Variants in WWC1 observed in about 807,000 individuals in gnomAD.
WWC1 encodes the protein WW and C2 domain containing 1, also known as protein KIBRA.
Under a neutral mutation model 138.4 loss-of-function variants are expected in WWC1, and 55 were observed. The observed-to-expected ratio is 0.40, with a 90% CI of 0.32 to 0.50. WWC1 has a LOEUF of 0.50. WWC1 is among the 20% of genes least tolerant of loss of function. The pLI is 0.72. For missense variants in WWC1, 1,226 were observed against 1,420.4 expected, an observed-to-expected ratio of 0.86 and a Z score of 2.20; for synonymous variants, 524 against 564.9, an observed-to-expected ratio of 0.93 and a Z score of 1.03.
chr5:168,360,986 G>A (rs983809592), intron 1 of WWC1, among the ~76,000 whole-genome samples: 1 of 152,216 alleles, frequency 6.6e-6, no homozygotes, highest in African/African-American at 2.4e-5. Flanking sequence ...AAGGAATAAG[G>A]CTGGGAGTTG....
intron 1 of WWC1, among the ~76,000 whole-genome samples, chr5:168,369,008 C>T (rs544529710): frequency 1.4e-4 from 22 of 152,254 alleles, no homozygotes; most frequent in African/African-American, 4.1e-4. Context: ...TGTGTTTTCC[C>T]GTGGGGCTTA....
chr5:168,331,646 C>A (rs1561619060), intron 1 of WWC1, among the ~76,000 whole-genome samples: 1 of 152,222 alleles, frequency 6.6e-6, no homozygotes, highest in Non-Finnish European at 1.5e-5. Flanking sequence ...TTGCACCATG[C>A]ACAAATAATG....
chr5:168,456,555 G>A (rs945627226), intron 19 of WWC1, among the ~76,000 whole-genome samples: 4 of 151,934 alleles, frequency 2.6e-5, no homozygotes, highest in East Asian at 3.9e-4. Context: ...CCTTGAACCC[G>A]GGGGGCAGAG....
In WWC1 at chr5:168,448,616, A is replaced by ATT. The variant is rs756135846; in HGVS notation, c.2525+4050_2525+4051dup. 2.5e-3 allele frequency among the ~76,000 whole-genome samples: 297 copies of ATT among 117,590 alleles called. 7 individuals are homozygous for ATT. The highest frequency in any genetic ancestry group is 7.9e-3 in the African/African-American group (225 of 28,630). 77.1% of individuals were successfully genotyped at this position (117,590 alleles called of 152,430 possible). A position where few individuals can be genotyped will look rare whatever the true frequency, so the allele number is the denominator to read the frequency against. Reference sequence around the variant, plus strand: ...CATCATAGAATAGTTCTCAAATAAGATTTTTTTTTTTTTTTTTTTTGAGAC... The same window carrying ATT: ...CATCATAGAATAGTTCTCAAATAAGATTTTTTTTTTTTTTTTTTTTTTGAGAC... On this transcript the variant is annotated intron_variant, in intron 17 of 22. Transcript: ENST00000265293.
chr5:168,428,712 G>C lies in WWC1; in HGVS notation c.1925G>C (p.Gly642Ala). 6.2e-7 allele frequency: 1 copy of C among 1,614,018 alleles called. No homozygotes were observed. Among genetic ancestry groups the C allele is most frequent in the Non-Finnish European group, 8.5e-7 (1 of 1,179,954 alleles). ...CCTCCCCTGTTGCCTTTCAGACTGG[G>C]TGCTTCAGAAGCTGCTGCATTTGAC... ...GVYEASVQRL[G>A]ASEAAAFDSD... Residue 642 changes from glycine to alanine, a missense_variant, in exon 13 of 23, where the codon GGT (glycine) becomes GCT (alanine). Coordinates refer to ENST00000265293, the MANE Select transcript of WWC1 (RefSeq NM_015238.3).
At position 168,460,654 on chromosome 5, in the gene WWC1, A is replaced by G; in HGVS notation, c.2828A>G (p.Asn943Ser). The G allele has an allele frequency of 1.2e-6, 2 of 1,614,002 alleles. No individual in the cohort carries two copies. Among genetic ancestry groups the G allele is most frequent in the Non-Finnish European group, 1.7e-6 (2 of 1,179,936 alleles). ...GPQSQYVCRLNRSDSDSSTLS... is the reference protein window; with the variant it reads ...GPQSQYVCRLSRSDSDSSTLS... ...TCCATGACTTTTCTCTTGCAGCTGA[A>G]TCGGAGTGATAGTGACAGCTCCACT... Residue 943 changes from asparagine to serine, a missense_variant, in exon 20 of 23, where the codon AAT becomes AGT. Asn to Ser is a conservative substitution (Grantham distance 46). This residue lies in a region of WWC1 where 206 missense variants were observed against 247.4 expected (regional missense o/e 0.83). Coordinates refer to ENST00000265293, the MANE Select transcript of WWC1 (RefSeq NM_015238.3).
Position 168,455,361 on chromosome 5 carries a change from CAA to C in WWC1, c.2666_2667del (p.Lys889ArgfsTer17). The C allele has an allele frequency of 6.4e-7, 1 of 1,568,494 alleles. No individual in the cohort carries two copies. Among genetic ancestry groups the C allele is most frequent in the Non-Finnish European group, 8.6e-7 (1 of 1,161,462 alleles). ...AGGTGTGACTTCTTCCTCAGGTGGA[CAA>C]AGAGACCAACACGGAGACCCCGGCC... is the stretch of plus-strand genomic sequence containing the variant. Reference protein sequence around the residue: ...MDGYPALKVDKETNTETPAPS... With the variant: ...MDGYPALKVDXETNTETPAPS... On this transcript the variant is annotated frameshift_variant, in exon 19 of 23. Coordinates refer to ENST00000265293, the MANE Select transcript of WWC1 (RefSeq NM_015238.3). LOFTEE classifies it high-confidence loss of function.
intron 17 of WWC1, among the ~76,000 whole-genome samples, chr5:168,450,248 A>C (rs533852987): frequency 6.6e-6 from 1 of 152,240 alleles, no homozygotes; most frequent in Non-Finnish European, 1.5e-5. Flanking sequence ...AATCCTTCCA[A>C]CCTTGGAGTC....
At chr5:168,430,703 T>C (rs949083769) in intron 14 of WWC1, among the ~76,000 whole-genome samples, 6 of 152,244 alleles carry the variant, frequency 3.9e-5, no homozygotes, top group African/African-American at 1.4e-4. Context: ...GCTGGTAGGA[T>C]GCAAACACCT....
chr5:168,349,071 A>G (rs548173165), intron 1 of WWC1, among the ~76,000 whole-genome samples: 2 of 152,306 alleles, frequency 1.3e-5, no homozygotes, highest in African/African-American at 4.8e-5. Context: ...AAGAGCTGGC[A>G]GGTGACAGAG....
intron 1 of WWC1, among the ~76,000 whole-genome samples, chr5:168,314,166 C>G (rs918575069): frequency 7.2e-5 from 11 of 152,110 alleles, no homozygotes; most frequent in African/African-American, 2.7e-4. Flanking sequence ...TTTCAGTCCT[C>G]AGAGAACAGA....
chr5:168,308,402 A>C (rs7704598), intron 1 of WWC1, among the ~76,000 whole-genome samples: 55,673 of 152,132 alleles, frequency 0.37, 10,478 homozygotes, highest in East Asian at 0.48. Context: ...TAAAGTTAGA[A>C]AGTTCTGTAG....
intron 1 of WWC1, among the ~76,000 whole-genome samples, chr5:168,367,967 A>ACACT (rs1241908274): frequency 1.4e-3 from 207 of 150,742 alleles, no homozygotes; most frequent in African/African-American, 4.7e-3. Context: ...ACACACACAC[A>ACACT]CTCTCTTCAG....
At chr5:168,320,258 C>T (rs1771949577) in intron 1 of WWC1, among the ~76,000 whole-genome samples, 1 of 152,182 alleles carries the variant, frequency 6.6e-6, no homozygotes, top group South Asian at 2.1e-4. Context: ...TGGTTTCAAA[C>T]TCCTGACCTC....
intron 1 of WWC1, among the ~76,000 whole-genome samples, chr5:168,334,054 GA>G (rs70976475): frequency 0.023 from 1,028 of 44,468 alleles, 12 homozygotes; most frequent in African/African-American, 0.078. Context: ...CATCCCTACT[GA>G]AAAAAAAAAA....
intron 10 of WWC1, among the ~76,000 whole-genome samples, chr5:168,423,205 A>G (rs1419193541): frequency 6.6e-6 from 1 of 151,910 alleles, no homozygotes; most frequent in African/African-American, 2.4e-5. Context: ...AGATATTAAG[A>G]AATCTTTATT....
At chr5:168,338,295 A>T (rs78032928) in intron 1 of WWC1, among the ~76,000 whole-genome samples, 1 of 149,224 alleles carries the variant, frequency 6.7e-6, no homozygotes, top group Non-Finnish European at 1.5e-5. Context: ...TGGGCAACAG[A>T]GTGAGACTTT....
At position 168,349,053 on chromosome 5, in the gene WWC1, C is replaced by G. The variant is rs114541763; in HGVS notation, c.120-22371C>G. 2.2e-3 allele frequency among the ~76,000 whole-genome samples: 334 copies of G among 152,188 alleles called. 2 individuals are homozygous for G. Among genetic ancestry groups the G allele is most frequent in the African/African-American group, 7.4e-3 (309 of 41,506 alleles). ...TGAGGCACAGCAAGGTTAATACGCC[C>G]GAGATTCAAGAGCTGGCAGGTGACA... On this transcript the variant is annotated intron_variant, in intron 1 of 22. Transcript: ENST00000265293.
chr5:168,318,154 CTT>C (rs1561602546), intron 1 of WWC1, among the ~76,000 whole-genome samples: 1 of 152,162 alleles, frequency 6.6e-6, no homozygotes, highest in East Asian at 1.9e-4. Context: ...GTCCACAACA[CTT>C]AATCTGTTTG....
Sources: allele counts gnomAD v4.1 joint callset (sites outside exome capture counted in the v4.1 genomes callset), GRCh38; gene constraint gnomAD v4.1.1; regional missense constraint gnomAD v4.1.1; transcripts MANE v1.5; gene names NCBI Gene and HGNC (gene_info 2026-07-23, HGNC 2026-07-21).